The following PAPPA2 variants were observed in gnomAD, a reference collection of about 807,000 sequenced individuals.
The protein encoded by PAPPA2 is pappalysin-2.
In PAPPA2, 86 loss-of-function variants were observed where a neutral mutation model predicts 176.4. The ratio of observed to expected loss-of-function variants is 0.49; its 90% CI spans 0.41 to 0.58. The LOEUF (loss-of-function observed/expected upper bound fraction) is 0.58. PAPPA2 is among the 20% of genes least tolerant of loss of function. PAPPA2 has a pLI of 0.00. For missense variants in PAPPA2, 2,073 were observed against 2,256.9 expected (o/e 0.92, Z 1.65); for synonymous variants, 809 against 852.2 (o/e 0.95, Z 0.88).
At chr1:176,602,477 A>T (rs1654383542) in intron 3 of PAPPA2, among the ~76,000 whole-genome samples, 1 of 152,170 alleles carries the variant, frequency 6.6e-6, no homozygotes, top group African/African-American at 2.4e-5. Flanking sequence ...GATGCTTTGG[A>T]TTAGCTGTGC....
Position 176,840,256 on chromosome 1 carries a change from A to T in PAPPA2, c.5286A>T (p.Thr1762=). The stretch of plus-strand genomic sequence containing the variant: ...ACGGGGGAGACTGCTGCTCTTCCAC[A>T]CTCTCCTCCAAGAAGGTGAGTGAGA... ...HYDGGDCCSS[T]LSSKKVIPFA... is the part of the protein sequence containing the mutation. Residue 1762 remains threonine, a synonymous_variant, in exon 22 of 23, where the codon ACA becomes ACT. Transcript: ENST00000367662. 1.2e-6 allele frequency: 2 copies of T among 1,612,080 alleles called. No homozygotes were observed. The highest frequency in any genetic ancestry group is 8.5e-7 in the Non-Finnish European group (1 of 1,178,756).
At position 176,463,688 on chromosome 1, in the gene PAPPA2, AC is replaced by A. The variant is rs549829184; in HGVS notation, c.-917+271del. Among the ~76,000 whole-genome samples the A allele has an allele frequency of 2.7e-3, 418 of 152,286 alleles. 3 individuals are homozygous for A. The highest frequency in any genetic ancestry group is 9.6e-3 in the African/African-American group (399 of 41,562). On this transcript the variant is annotated intron_variant, in intron 1 of 22. Transcript: ENST00000367662. ...TTGTCTCATTTTTCTTTGATAAGTG[AC>A]AACCTTTGGCTGCCTGGTCTTCTTT...
At chr1:176,681,286 T>C (rs1217007283) in intron 4 of PAPPA2, among the ~76,000 whole-genome samples, 1 of 152,166 alleles carries the variant, frequency 6.6e-6, no homozygotes, top group East Asian at 1.9e-4. Context: ...CTAATTGTTC[T>C]AGAGAATGTC....
At chr1:176,708,841 TAGTAAC>T (rs1454612115) in intron 10 of PAPPA2, among the ~76,000 whole-genome samples, 2 of 152,126 alleles carry the variant, frequency 1.3e-5, no homozygotes, top group Non-Finnish European at 2.9e-5. Flanking sequence ...GAAAAGGAAA[TAGTAAC>T]AGTAAATTTT....
chr1:176,667,973 G>A (rs541237792), intron 3 of PAPPA2, among the ~76,000 whole-genome samples: 2 of 152,272 alleles, frequency 1.3e-5, no homozygotes, highest in South Asian at 4.1e-4. Flanking sequence ...AGAGCCAGCT[G>A]TCGGGGCATG....
intron 3 of PAPPA2, among the ~76,000 whole-genome samples, chr1:176,663,968 A>G (rs189665787): frequency 6.6e-6 from 1 of 152,256 alleles, no homozygotes; most frequent in Non-Finnish European, 1.5e-5. Flanking sequence ...TGGGTAAAAT[A>G]TTGCCAAAAA....
At chr1:176,836,730 C>T (rs1667285096) in intron 21 of PAPPA2, 1 of 152,124 alleles carries the variant, frequency 6.6e-6, no homozygotes, top group Admixed American at 6.6e-5. Context: ...AGATTTCCCT[C>T]ACCCCCAAAA....
rs559176698 is a variant in PAPPA2 at position 176,510,652 on chromosome 1, C to T, written c.-916-44755C>T. 5.9e-5 allele frequency among the ~76,000 whole-genome samples: 9 copies of T among 151,360 alleles called. No individual in the cohort carries two copies. The South Asian group carries it at 1.9e-3, about 32-fold the overall frequency. On this transcript the variant is annotated intron_variant, in intron 1 of 22. Transcript: ENST00000367662. ...CAAAAGATAACTGAAGCAAAAACGG[C>T]AGTCGTTTTATAGTTTATAATACAT...
In PAPPA2 at chr1:176,595,229, T is replaced by C; in HGVS notation, c.1625T>C (p.Val542Ala). 6.2e-7 allele frequency: 1 copy of C among 1,614,118 alleles called. No individual in the cohort carries two copies. Among genetic ancestry groups the C allele is most frequent in the Non-Finnish European group, 8.5e-7 (1 of 1,180,018 alleles). ...GATGATGAGGGCCTAAACCCCATTG[T>C]GAGTGAGGAGCAGATTCGTCTGCAG... ...ICDDEGLNPIVSEEQIRLQHE... is the reference protein window; with the variant it reads ...ICDDEGLNPIASEEQIRLQHE... Residue 542 changes from valine to alanine, a missense_variant, in exon 3 of 23, where the codon GTG (valine) becomes GCG (alanine). Physicochemically the swap from Val to Ala is moderately conservative, Grantham distance 64. This residue lies in a region of PAPPA2 where 1,196 missense variants were observed against 1,330.4 expected (regional missense o/e 0.90). Coordinates refer to ENST00000367662, the MANE Select transcript of PAPPA2 (RefSeq NM_020318.3).
chr1:176,688,556 A>T (rs1659952086), intron 4 of PAPPA2, among the ~76,000 whole-genome samples: 1 of 152,216 alleles, frequency 6.6e-6, no homozygotes, highest in South Asian at 2.1e-4. Context: ...AACAAAAGAG[A>T]AATAAAAAAG....
At chr1:176,513,158 T>TATCATCATC (rs66771117) in intron 1 of PAPPA2, among the ~76,000 whole-genome samples, 177 of 149,662 alleles carry the variant, frequency 1.2e-3, no homozygotes, top group Middle Eastern at 0.01. Flanking sequence ...CATTTCTGTC[T>TATCATCATC]ATCATCATCA....
At chr1:176,536,026 G>A (rs1038347879) in intron 1 of PAPPA2, among the ~76,000 whole-genome samples, 2 of 152,154 alleles carry the variant, frequency 1.3e-5, no homozygotes, top group African/African-American at 2.4e-5. Flanking sequence ...GCTGATGGAA[G>A]AAGCTCTCTG....
chr1:176,824,560 A>G (rs1666782875), intron 21 of PAPPA2, among the ~76,000 whole-genome samples: 2 of 152,230 alleles, frequency 1.3e-5, no homozygotes, highest in South Asian at 2.1e-4. Flanking sequence ...GAAACCAAGT[A>G]GTAAATTGAA....
At chr1:176,544,921 A>G (rs1422623318) in intron 1 of PAPPA2, among the ~76,000 whole-genome samples, 2 of 152,180 alleles carry the variant, frequency 1.3e-5, no homozygotes, top group African/African-American at 2.4e-5. Context: ...AAAGAAATGC[A>G]TATGGCAAGG....
chr1:176,488,537 T>TA (rs1166383565), intron 1 of PAPPA2, among the ~76,000 whole-genome samples: 1 of 152,138 alleles, frequency 6.6e-6, no homozygotes. Flanking sequence ...CCCCTAACTC[T>TA]CTTAGGTTCC....
At chr1:176,725,555 A>C (rs1451533756) in intron 12 of PAPPA2, among the ~76,000 whole-genome samples, 2 of 152,220 alleles carry the variant, frequency 1.3e-5, no homozygotes, top group Non-Finnish European at 2.9e-5. Flanking sequence ...ACAAAGTTGT[A>C]AGTCATGTGC....
At chr1:176,614,755 A>C (rs1220235098) in intron 3 of PAPPA2, among the ~76,000 whole-genome samples, 1 of 152,180 alleles carries the variant, frequency 6.6e-6, no homozygotes, top group Non-Finnish European at 1.5e-5. Context: ...TATTTCTCCC[A>C]CAGTACTATA....
Position 176,595,194 on chromosome 1 carries a change from G to A in PAPPA2, c.1590G>A (p.Val530=). Residue 530 remains valine (V), a synonymous_variant, in exon 3 of 23, where the codon GTG becomes GTA. Coordinates refer to ENST00000367662, the MANE Select transcript of PAPPA2 (RefSeq NM_020318.3). The part of the protein sequence containing the change: ...RGEKVIRYQV[V]NICDDEGLNP... The stretch of plus-strand genomic sequence containing the variant: ...AGAAGGTGATACGCTACCAGGTGGT[G>A]AACATCTGTGATGATGAGGGCCTAA... 6.2e-7 allele frequency: 1 copy of A among 1,614,222 alleles called. No homozygotes were observed. Among genetic ancestry groups the A allele is most frequent in the South Asian group, 1.1e-5 (1 of 91,084 alleles).
At chr1:176,662,689 C>G (rs1658424901) in intron 3 of PAPPA2, among the ~76,000 whole-genome samples, 2 of 151,444 alleles carry the variant, frequency 1.3e-5, no homozygotes, top group African/African-American at 4.9e-5. Flanking sequence ...CTTTTTGATG[C>G]TTTATATCTT....
Sources: gnomAD v4.1 joint callset for allele counts (sites outside exome capture counted in the v4.1 genomes callset) on GRCh38, gnomAD v4.1.1 for gene constraint, gnomAD v4.1.1 regional missense constraint, MANE v1.5 for transcripts, NCBI Gene and HGNC (gene_info 2026-07-23, HGNC 2026-07-21) for gene names.